The following RARB variants were observed in gnomAD, a reference collection of about 807,000 sequenced individuals.
The protein encoded by RARB is retinoic acid receptor beta.
In RARB, 17 loss-of-function variants were observed where a neutral mutation model predicts 51.9. The observed-to-expected ratio is 0.33, with a 90% CI of 0.22 to 0.49. The LOEUF is 0.49. Among genes scored for constraint, RARB ranks in the 20% least tolerant of loss-of-function variants. The pLI is 0.99. For synonymous variants in RARB, 215 were observed against 195.4 expected (o/e 1.10, Z -0.84); for missense variants, 369 against 550.8 (o/e 0.67, Z 3.30).
chr3:24,899,211 C>T (rs1454022910), intron 2 of RARB, among the ~76,000 whole-genome samples: 1 of 152,156 alleles, frequency 6.6e-6, no homozygotes, highest in African/African-American at 2.4e-5. Context: ...TTAAACCAAG[C>T]ATGGAGCCCT....
chr3:25,575,666 C>G (rs148577543), intron 4 of RARB, among the ~76,000 whole-genome samples: 1 of 152,192 alleles, frequency 6.6e-6, no homozygotes, highest in Non-Finnish European at 1.5e-5. Context: ...ATGTCAACCT[C>G]TGTCCAGATT....
intron 1 of RARB, among the ~76,000 whole-genome samples, chr3:24,849,715 A>T (rs1056785567): frequency 6.6e-6 from 1 of 152,236 alleles, no homozygotes; most frequent in African/African-American, 2.4e-5. Context: ...ACTTCAGCAT[A>T]TGCTTGCAGG....
intron 5 of RARB, among the ~76,000 whole-genome samples, chr3:25,255,510 C>T (rs948554973): frequency 6.6e-6 from 1 of 152,120 alleles, no homozygotes; most frequent in Non-Finnish European, 1.5e-5. Flanking sequence ...AAGCATTTCA[C>T]CCTTGGCAAC....
chr3:25,395,501 A>G (rs999030278), intron 5 of RARB, among the ~76,000 whole-genome samples: 1 of 152,214 alleles, frequency 6.6e-6, no homozygotes, highest in Admixed American at 6.5e-5. Context: ...AAGTTTTCCA[A>G]ACTCTTAAAT....
chr3:25,037,056 T>C (rs776915154), intron 2 of RARB, among the ~76,000 whole-genome samples: 17 of 152,154 alleles, frequency 1.1e-4, no homozygotes, highest in Non-Finnish European at 1.9e-4. Flanking sequence ...CAAACTTGCA[T>C]GAACTCTTCA....
intron 2 of RARB, among the ~76,000 whole-genome samples, chr3:24,943,462 G>A (rs914346777): frequency 6.6e-6 from 1 of 152,152 alleles, no homozygotes; most frequent in African/African-American, 2.4e-5. Context: ...CTCCAATGTT[G>A]ATTGTGGGCC....
intron 2 of RARB, among the ~76,000 whole-genome samples, chr3:24,868,148 T>C (rs914990423): frequency 2.0e-5 from 3 of 152,170 alleles, no homozygotes; most frequent in Non-Finnish European, 2.9e-5. Context: ...CTTTTTAATG[T>C]AGCTTCAATA....
intron 5 of RARB, among the ~76,000 whole-genome samples, chr3:25,193,462 A>T (rs1701152580): frequency 6.6e-6 from 1 of 152,098 alleles, no homozygotes; most frequent in Non-Finnish European, 1.5e-5. Flanking sequence ...TGAGTAAGAT[A>T]CTTCATTGTA....
chr3:24,959,499 G>A (rs758885946), intron 2 of RARB, among the ~76,000 whole-genome samples: 9 of 152,222 alleles, frequency 5.9e-5, no homozygotes, highest in Admixed American at 2.6e-4. Flanking sequence ...GTTTTTTATC[G>A]ATATAGCATG....
chr3:24,889,112 T>C (rs187923586), intron 2 of RARB, among the ~76,000 whole-genome samples: 456 of 152,332 alleles, frequency 3.0e-3, no homozygotes, highest in Non-Finnish European at 4.6e-3. Flanking sequence ...TCACTACATA[T>C]GGATCCAGCC....
chr3:25,496,288 T>G (rs74972810), intron 2 of RARB, among the ~76,000 whole-genome samples: 5,730 of 152,302 alleles, frequency 0.038, 359 homozygotes, highest in African/African-American at 0.13. Flanking sequence ...GTTGAAAAAT[T>G]GAAACATTTT....
intron 5 of RARB, 112 bp downstream of exon 5, chr3:25,580,834 G>A (rs1701146035): frequency 7.4e-6 from 9 of 1,223,366 alleles, no homozygotes; most frequent in Admixed American, 4.7e-5. Flanking sequence ...TTTGAGTTTC[G>A]ACTCTAGCAC....
chr3:25,169,997 A>G (rs201419111), intron 4 of RARB, among the ~76,000 whole-genome samples: 2 of 35,200 alleles, frequency 5.7e-5, no homozygotes, highest in Admixed American at 9.7e-4. Context: ...CTTAAAAAAA[A>G]AAAAAAAAAA....
At chr3:25,161,175 GCTAATTATT>G (rs1700467205) in intron 4 of RARB, among the ~76,000 whole-genome samples, 4 of 94,244 alleles carry the variant, frequency 4.2e-5, no homozygotes, top group Non-Finnish European at 8.3e-5. Flanking sequence ...ACCATGCCCA[GCTAATTATT>G]ATTATTATTA....
At chr3:25,112,702 C>T (rs1038046518) in intron 3 of RARB, among the ~76,000 whole-genome samples, 5 of 152,056 alleles carry the variant, frequency 3.3e-5, no homozygotes, top group Admixed American at 2.0e-4. Flanking sequence ...CACTTGAGTC[C>T]AGGAGTTCTA....
intron 5 of RARB, among the ~76,000 whole-genome samples, chr3:25,383,192 T>C (rs1026124392): frequency 2.0e-5 from 3 of 152,098 alleles, no homozygotes; most frequent in Non-Finnish European, 4.4e-5. Context: ...TTCGGAGAGA[T>C]TGTAGGGGTG....
chr3:25,109,512 T>A (rs1699564741), intron 3 of RARB, among the ~76,000 whole-genome samples: 1 of 152,230 alleles, frequency 6.6e-6, no homozygotes, highest in Non-Finnish European at 1.5e-5. Flanking sequence ...AACAGTCTCC[T>A]GAAAAGCAAA....
rs1418320591 is a variant in RARB at position 24,970,938 on chromosome 3, A to C, written c.-379-89187A>C. 5.3e-5 allele frequency among the ~76,000 whole-genome samples: 8 copies of C among 152,040 alleles called. No homozygotes were observed. The East Asian group carries it at 9.6e-4, about 18-fold the overall frequency. On this transcript the variant is annotated intron_variant, in intron 2 of 11. Coordinates refer to the RARB transcript ENST00000383772. ...ATTTTCTCTAATGAGTCAGCTCATC[A>C]GTTACAATTGTTCTTCTCCTTTCAA...
chr3:25,170,444 C>G (rs938792954), intron 4 of RARB, among the ~76,000 whole-genome samples: 22 of 152,168 alleles, frequency 1.4e-4, no homozygotes, highest in Admixed American at 9.2e-4. Context: ...CAGTAGGTCT[C>G]TCCGGTGGGG....
Sources: gnomAD v4.1 joint callset for allele counts (sites outside exome capture counted in the v4.1 genomes callset) on GRCh38, gnomAD v4.1.1 for gene constraint, MANE v1.5 for transcripts, NCBI Gene and HGNC (gene_info 2026-07-23, HGNC 2026-07-21) for gene names.